The following PSG6 variants were observed in gnomAD, a reference collection of about 807,000 sequenced individuals.
PSG6 encodes pregnancy-specific beta-1-glycoprotein 6.
In PSG6, 51 loss-of-function variants were observed where a neutral mutation model predicts 43.3. The observed-to-expected ratio is 1.18, with a 90% confidence interval of 0.94 to 1.49. The LOEUF is 1.49. PSG6 is among the 40% of genes most tolerant of loss of function. The pLI, the probability that PSG6 is intolerant of heterozygous loss-of-function variation, is 0.00. For synonymous variants in PSG6, 292 were observed against 197.6 expected, an observed-to-expected ratio of 1.48 and a Z score of -4.01; for missense variants, 770 against 522.2, an observed-to-expected ratio of 1.47 and a Z score of -4.62.
intron 5 of PSG6, among the ~76,000 whole-genome samples, chr19:42,905,977 A>T (rs902170540): frequency 2.6e-5 from 4 of 151,626 alleles, no homozygotes; most frequent in African/African-American, 9.7e-5. Context: ...AAGAGGAAAA[A>T]GTTCTGGAAA....
chr19:42,906,979 C>T lies in PSG6; in HGVS notation c.1183G>A (p.Val395Ile), dbSNP rs1403608317. Residue 395 changes from valine (V) to isoleucine (I), a missense_variant, in exon 5 of 6, where the codon GTT becomes ATT. Coordinates refer to ENST00000187910, the MANE Select transcript of PSG6 (RefSeq NM_001031850.4). ...TNHSGLYACSVRNSATGKEIS... is the reference protein window; with the variant it reads ...TNHSGLYACSIRNSATGKEIS... ...TCCTTGCCAGTGGCTGAGTTACGAACAGAGCAAGCATAGAGCCCGCTATGA... is the reference window on the plus strand; with the variant it reads ...TCCTTGCCAGTGGCTGAGTTACGAATAGAGCAAGCATAGAGCCCGCTATGA... The T allele has an allele frequency of 3.1e-6, 5 of 1,612,384 alleles. 1 individual carries two copies. In the Admixed American group the frequency reaches 5.0e-5, roughly 16 times the overall value.
At chr19:42,917,037 T>C (rs1427745143) in intron 1 of PSG6, among the ~76,000 whole-genome samples, 2 of 151,256 alleles carry the variant, frequency 1.3e-5, no homozygotes, top group African/African-American at 4.9e-5. Context: ...CAGACTCCTG[T>C]AGATGTGAGA....
chr19:42,914,263 C>T (rs572179131), intron 2 of PSG6, among the ~76,000 whole-genome samples: 14 of 151,360 alleles, frequency 9.2e-5, no homozygotes, highest in Non-Finnish European at 1.5e-4. Flanking sequence ...GATTTCTGCA[C>T]CTTTCCTATT....
chr19:42,910,775 C>A lies in PSG6; in HGVS notation c.511G>T (p.Glu171Ter), dbSNP rs768761790. Residue 171 changes from glutamate to a stop codon, truncating the protein, a stop_gained, in exon 3 of 6, where the codon GAG becomes TAG. Transcript: ENST00000187910. LOFTEE classifies it high-confidence loss of function. ...CACAGGTAGCTTGCATCCGGAGTCT[C>A]AGGATCACAGATTAAGCGCACAGCC... ...MEAVRLICDP[E>*]TPDASYLWLL... 5 of 1,612,244 alleles carry A rather than the reference C, an allele frequency of 3.1e-6. No individual in the cohort carries two copies. The Admixed American group carries it at 6.7e-5, about 22-fold the overall frequency.
chr19:42,905,994 G>C (rs1385397396), intron 5 of PSG6, among the ~76,000 whole-genome samples: 1 of 151,642 alleles, frequency 6.6e-6, no homozygotes, highest in Non-Finnish European at 1.5e-5. Flanking sequence ...GAAATGGATA[G>C]TGTGATAGTT....
At chr19:42,903,357 A>G (rs1433329407) in intron 5 of PSG6, among the ~76,000 whole-genome samples, 2 of 151,654 alleles carry the variant, frequency 1.3e-5, no homozygotes, top group Non-Finnish European at 2.9e-5. Flanking sequence ...GAAAGAGCTC[A>G]GGTCAACAAC....
Position 42,907,752 on chromosome 19 carries a change from T to A in PSG6, c.809A>T (p.Tyr270Phe). The stretch of plus-strand genomic sequence containing the variant: ...GCTCTGACCATTTAGCCACCAAATG[T>A]AGGTGTAGTTCCGACTCTTAGGTTC... The part of the protein sequence containing the change: ...TCEPKSRNYT[Y>F]IWWLNGQSLP... Residue 270 changes from tyrosine (Y) to phenylalanine (F), a missense_variant, in exon 4 of 6, where the codon TAC becomes TTC. Coordinates refer to ENST00000187910, the MANE Select transcript of PSG6 (RefSeq NM_001031850.4). 6.2e-7 allele frequency: 1 copy of A among 1,610,838 alleles called. No homozygotes were observed. The highest frequency in any genetic ancestry group is 1.1e-5 in the South Asian group (1 of 90,758).
At chr19:42,907,957 C>G in intron 3 of PSG6, 103 bp from the exon 4 acceptor site, 1 of 1,493,342 alleles carries the variant, frequency 6.7e-7, no homozygotes, top group Non-Finnish European at 9.1e-7. Context: ...CACATGAGTC[C>G]TTGAAAGCCA....
chr19:42,908,682 G>C (rs563295545), intron 3 of PSG6, among the ~76,000 whole-genome samples: 28 of 151,886 alleles, frequency 1.8e-4, no homozygotes, highest in African/African-American at 4.6e-4. Context: ...GCAGAACTGA[G>C]TGGTGGAAAG....
intron 2 of PSG6, among the ~76,000 whole-genome samples, chr19:42,911,137 G>T (rs1011374368): frequency 1.3e-5 from 2 of 151,534 alleles, no homozygotes; most frequent in Non-Finnish European, 2.9e-5. Context: ...CACAGCCCCT[G>T]GTGCCTCTCT....
chr19:42,908,880 C>T (rs1972167944), intron 3 of PSG6, among the ~76,000 whole-genome samples: 1 of 151,664 alleles, frequency 6.6e-6, no homozygotes, highest in Non-Finnish European at 1.5e-5. Flanking sequence ...GACGAGGCTG[C>T]TGGAAGCCAG....
At chr19:42,906,619 T>A in intron 5 of PSG6, 1 of 1,365,266 alleles carries the variant, frequency 7.3e-7, no homozygotes, top group Non-Finnish European at 9.7e-7. Flanking sequence ...GAGAAGCAAC[T>A]TGATCTTGAG....
chr19:42,915,919 G>T (rs10421758), intron 2 of PSG6: 115,071 of 653,248 alleles, frequency 0.18, 19,447 homozygotes, highest in African/African-American at 0.44. Flanking sequence ...TGCAGCGAGT[G>T]TCTGCAGGGT....
intron 3 of PSG6, among the ~76,000 whole-genome samples, chr19:42,909,086 T>G (rs1174781899): frequency 6.6e-6 from 1 of 151,782 alleles, no homozygotes; most frequent in Non-Finnish European, 1.5e-5. Context: ...GTCATATACT[T>G]ACTGGTTTAG....
At chr19:42,910,019 T>C (rs200541513) in intron 3 of PSG6, 3 of 172,292 alleles carry the variant, frequency 1.7e-5, no homozygotes, top group Admixed American at 1.1e-4. Flanking sequence ...TGATTTGGGG[T>C]ATAAAGAACA....
chr19:42,910,875 GAGA>G lies in PSG6; in HGVS notation c.428-20_428-18del, dbSNP rs1261056419. ...GAGTCTCCGCTGTGCAGAAAACAGAGAGAAGATTGCCCTGTGTGGCACCTTTGA... is the reference window on the plus strand; with the variant it reads ...GAGTCTCCGCTGTGCAGAAAACAGAGAGATTGCCCTGTGTGGCACCTTTGA... On this transcript the variant is annotated intron_variant, in intron 2 of 5. Coordinates refer to ENST00000187910, the MANE Select transcript of PSG6 (RefSeq NM_001031850.4). The G allele has an allele frequency of 6.3e-7, 1 of 1,594,626 alleles. No homozygotes were observed. The highest frequency in any genetic ancestry group is 8.5e-7 in the Non-Finnish European group (1 of 1,170,072).
At chr19:42,910,526 G>C in intron 3 of PSG6, 54 bp downstream of exon 3, 1 of 1,612,528 alleles carries the variant, frequency 6.2e-7, no homozygotes, top group South Asian at 1.1e-5. Flanking sequence ...CTGGCCTCTG[G>C]CCACTTGTAT....
At position 42,910,684 on chromosome 19, in the gene PSG6, A is replaced by T; in HGVS notation, c.602T>A (p.Leu201His). ...ATACTTTGTGACACCAAATAGATAG[A>T]GGGTCCTGTTGGTTTTGGACAGCTG... ...RLQLSKTNRTLYLFGVTKYIA... is the reference protein window; with the variant it reads ...RLQLSKTNRTHYLFGVTKYIA... Residue 201 changes from leucine to histidine, a missense_variant, in exon 3 of 6, where the codon CTC (leucine) becomes CAC (histidine). Leu to His is a moderately conservative substitution (Grantham distance 99). Transcript: ENST00000187910. 6.2e-7 allele frequency: 1 copy of T among 1,612,322 alleles called. No individual in the cohort carries two copies. The highest frequency in any genetic ancestry group is 8.5e-7 in the Non-Finnish European group (1 of 1,179,248).
chr19:42,907,931 C>T (rs1263460186), intron 3 of PSG6, 77 bp from the exon 4 acceptor site: 1 of 1,566,324 alleles, frequency 6.4e-7, no homozygotes, highest in Non-Finnish European at 8.7e-7. Flanking sequence ...GAGTTGGCAT[C>T]TCCCACCTGT....
Sources: gnomAD v4.1 joint callset for allele counts (sites outside exome capture counted in the v4.1 genomes callset) on GRCh38, gnomAD v4.1.1 for gene constraint, MANE v1.5 for transcripts, NCBI Gene and HGNC (gene_info 2026-07-23, HGNC 2026-07-21) for gene names.